Variants in CEP128 observed in about 807,000 individuals in gnomAD.
CEP128 encodes centrosomal protein 128kDa.
A neutral mutation model predicts 156.7 loss-of-function variants in CEP128; 132 were observed. That is an observed-to-expected ratio of 0.84 (90% CI 0.73 to 0.97). The LOEUF is 0.97. Among genes scored for constraint, CEP128 ranks in the 50% least tolerant of loss-of-function variants. CEP128 has a pLI of 0.00. For synonymous variants in CEP128, 469 were observed against 448.9 expected (o/e 1.04, Z -0.57); for missense variants, 1,252 against 1,281.9 (o/e 0.98, Z 0.36).
chr14:80,617,415 T>G (rs1227232749), intron 19 of CEP128, among the ~76,000 whole-genome samples: 1 of 151,776 alleles, frequency 6.6e-6, no homozygotes, highest in Non-Finnish European at 1.5e-5. Flanking sequence ...TTTTGCATTT[T>G]TAGTAGAGAC....
intron 19 of CEP128, among the ~76,000 whole-genome samples, chr14:80,596,053 G>GAAAAAAAAAAAAAAAAAAAAAAAA (rs55831009): frequency 9.2e-6 from 1 of 109,094 alleles, no homozygotes. Context: ...TATCAGCAGG[G>GAAAAAAAAAAAAAAAAAAAAAAAA]AAAAAAAAAA....
intron 19 of CEP128, among the ~76,000 whole-genome samples, chr14:80,612,174 C>T (rs1201186074): frequency 6.6e-6 from 1 of 152,144 alleles, no homozygotes; most frequent in Non-Finnish European, 1.5e-5. Context: ...TGTAGTTTGC[C>T]TTTTAATTAT....
intron 21 of CEP128, among the ~76,000 whole-genome samples, chr14:80,540,199 C>CA (rs957069143): frequency 9.6e-5 from 9 of 93,858 alleles, no homozygotes; most frequent in Admixed American, 5.3e-4. Flanking sequence ...GTTCTTACAC[C>CA]CCCCCCCCTT....
intron 12 of CEP128, among the ~76,000 whole-genome samples, chr14:80,832,464 C>T (rs988215687): frequency 2.6e-5 from 4 of 152,070 alleles, no homozygotes; most frequent in Non-Finnish European, 5.9e-5. Context: ...AAATACATTC[C>T]CACTTCAGAA....
At chr14:80,900,694 ACAAT>A (rs1358491943) in intron 6 of CEP128, among the ~76,000 whole-genome samples, 2 of 152,236 alleles carry the variant, frequency 1.3e-5, no homozygotes, top group African/African-American at 2.4e-5. Flanking sequence ...TGAAAACAAA[ACAAT>A]CATAGATACC....
chr14:80,806,484 G>A (rs561137352), intron 13 of CEP128, among the ~76,000 whole-genome samples: 11 of 152,210 alleles, frequency 7.2e-5, no homozygotes, highest in African/African-American at 2.6e-4. Flanking sequence ...TCTGACCCTG[G>A]AACACATATC....
intron 22 of CEP128, chr14:80,527,374 T>C: frequency 3.7e-6 from 1 of 267,712 alleles, no homozygotes; most frequent in South Asian, 3.7e-5. Flanking sequence ...AGGCAGAGGT[T>C]GCAGTGAGAT....
chr14:80,709,994 A>T (rs919557773), intron 19 of CEP128, among the ~76,000 whole-genome samples: 1 of 126,070 alleles, frequency 7.9e-6, no homozygotes, highest in Non-Finnish European at 1.5e-5. Context: ...GAATTGTCTT[A>T]AAAAAAAAAA....
rs71103886 is a variant in CEP128, at chr14:80,821,934, C to CGTCTGACACGGTG, written c.1209+9208_1209+9209insCACCGTGTCAGAC. Among the ~76,000 whole-genome samples the CGTCTGACACGGTG allele has an allele frequency of 5.3e-5, 8 of 151,876 alleles. No homozygotes were observed. In the South Asian group the frequency reaches 1.7e-3, roughly 32 times the overall value. On this transcript the variant is annotated intron_variant, in intron 13 of 24. Coordinates refer to ENST00000555265, the MANE Select transcript of CEP128 (RefSeq NM_152446.5). ...CAATCATGGCGGAAGGTGACAGGCACGCAGACAAGAGAAAGGAGCTTGTGC... is the reference window on the plus strand; with the variant it reads ...CAATCATGGCGGAAGGTGACAGGCACGTCTGACACGGTGGCAGACAAGAGAAAGGAGCTTGTGC...
chr14:80,846,528 CA>C (rs1355369079), intron 9 of CEP128, among the ~76,000 whole-genome samples: 1 of 152,054 alleles, frequency 6.6e-6, no homozygotes, highest in Non-Finnish European at 1.5e-5. Flanking sequence ...GCAAATTGAT[CA>C]ACCCCGGAAG....
chr14:80,657,387 C>G (rs1331377683), intron 19 of CEP128, among the ~76,000 whole-genome samples: 1 of 151,964 alleles, frequency 6.6e-6, no homozygotes, highest in Non-Finnish European at 1.5e-5. Context: ...CACGGTGGCT[C>G]ACGCTTGTAA....
intron 19 of CEP128, among the ~76,000 whole-genome samples, chr14:80,584,362 T>G (rs1485810889): frequency 6.6e-6 from 1 of 151,994 alleles, no homozygotes; most frequent in Non-Finnish European, 1.5e-5. Flanking sequence ...GATGGGCTGG[T>G]CTTGAACTCC....
chr14:80,865,697 C>A (rs1887735341), intron 8 of CEP128, among the ~76,000 whole-genome samples: 1 of 152,140 alleles, frequency 6.6e-6, no homozygotes, highest in Non-Finnish European at 1.5e-5. Flanking sequence ...TTGCTAGCAT[C>A]TTCCCTCTTG....
chr14:80,744,874 A>G, intron 18 of CEP128, among the ~76,000 whole-genome samples: 1 of 152,174 alleles, frequency 6.6e-6, no homozygotes, highest in East Asian at 1.9e-4. Flanking sequence ...CAGCAGGCTG[A>G]GAATACTGGG....
chr14:80,823,679 G>T (rs187383860), intron 13 of CEP128, among the ~76,000 whole-genome samples: 1 of 152,150 alleles, frequency 6.6e-6, no homozygotes, highest in African/African-American at 2.4e-5. Context: ...GATGCAAGAG[G>T]TGGGCTCCCA....
At chr14:80,746,763 G>A (rs140671464) in intron 18 of CEP128, among the ~76,000 whole-genome samples, 25 of 152,274 alleles carry the variant, frequency 1.6e-4, no homozygotes, top group African/African-American at 6.0e-4. Flanking sequence ...AAATTAAAAT[G>A]CTGTGCTTTA....
chr14:80,555,162 C>G (rs1566777065), intron 21 of CEP128, among the ~76,000 whole-genome samples: 1 of 152,108 alleles, frequency 6.6e-6, no homozygotes, highest in Non-Finnish European at 1.5e-5. Flanking sequence ...TATACATTAT[C>G]TCCTATGAAC....
intron 19 of CEP128, among the ~76,000 whole-genome samples, chr14:80,691,085 C>T (rs1028095220): frequency 6.6e-6 from 1 of 152,102 alleles, no homozygotes; most frequent in African/African-American, 2.4e-5. Context: ...GCATTGTAAC[C>T]TATAAATACT....
At chr14:80,878,271 G>A (rs1410571232) in intron 8 of CEP128, among the ~76,000 whole-genome samples, 2 of 152,094 alleles carry the variant, frequency 1.3e-5, no homozygotes, top group East Asian at 1.9e-4. Flanking sequence ...TGGCTGAGCT[G>A]TGCCACTCCA....
Sources: gnomAD v4.1 joint callset for allele counts (sites outside exome capture counted in the v4.1 genomes callset) on GRCh38, gnomAD v4.1.1 for gene constraint, MANE v1.5 for transcripts, NCBI Gene and HGNC (gene_info 2026-07-23, HGNC 2026-07-21) for gene names.